The following CSMD2 variants were observed in gnomAD, a reference collection of about 807,000 sequenced individuals.
CSMD2 encodes CUB and Sushi multiple domains 2, also known as CUB and sushi domain-containing protein 2.
CSMD2 carries 130 observed loss-of-function variants against 398.5 expected under a neutral mutation model. That is an observed-to-expected ratio of 0.33 (90% CI 0.28 to 0.38). The LOEUF (loss-of-function observed/expected upper bound fraction) is 0.38, where lower values mean the gene tolerates loss of function less well. CSMD2 is among the 10% of genes least tolerant of loss of function. The probability of loss-of-function intolerance (pLI) is 1.00; values close to 1 mark genes in which losing one functional copy is unlikely to be tolerated. For missense variants in CSMD2, 3,829 were observed against 4,764.9 expected (o/e 0.80, Z 5.78); for synonymous variants, 1,828 against 1,908.5 (o/e 0.96, Z 1.10).
chr1:33,962,739 C>G (rs1228153476), intron 3 of CSMD2, among the ~76,000 whole-genome samples: 1 of 152,192 alleles, frequency 6.6e-6, no homozygotes, highest in Non-Finnish European at 1.5e-5. Context: ...GCAAGATTGA[C>G]TCCCTCATAT....
At chr1:33,882,477 A>C (rs774091564) in intron 5 of CSMD2, among the ~76,000 whole-genome samples, 1 of 152,246 alleles carries the variant, frequency 6.6e-6, no homozygotes, top group Non-Finnish European at 1.5e-5. Context: ...AATGAAACAT[A>C]TCTACCTTTC....
Position 33,725,521 on chromosome 1 carries a change from G to A in CSMD2, c.2523C>T (p.Val841=), listed in dbSNP as rs2149205884. Residue 841 remains valine (V), a synonymous_variant, in exon 17 of 71, where the codon GTC becomes GTT. Transcript: ENST00000373381. ...KITFDRFKTE[V]NYDTLEVRDG... ...CGCGTACTTCCAGGGTGTCATAGTTGACCTCGGTTTTGAATCTGCCAAATG... is the reference window on the plus strand; with the variant it reads ...CGCGTACTTCCAGGGTGTCATAGTTAACCTCGGTTTTGAATCTGCCAAATG... The A allele has an allele frequency of 2.5e-6, 4 of 1,614,132 alleles. 1 individual carries two copies. In the Middle Eastern group the frequency reaches 4.9e-4, roughly 200 times the overall value.
At chr1:33,583,614 A>G in intron 47 of CSMD2, 28 bp downstream of exon 47, 1 of 1,605,834 alleles carries the variant, frequency 6.2e-7, no homozygotes, top group Admixed American at 1.7e-5. Flanking sequence ...TCTGCAGCAG[A>G]GAACTGTGAG....
intron 3 of CSMD2, among the ~76,000 whole-genome samples, chr1:34,000,243 A>G (rs1171261819): frequency 6.6e-6 from 1 of 152,118 alleles, no homozygotes; most frequent in African/African-American, 2.4e-5. Flanking sequence ...AGATGTGGGA[A>G]TGTGGACCAG....
rs146886144 is a variant in CSMD2 at position 34,089,079 on chromosome 1, T to C, written c.302A>G (p.Gln101Arg). The change falls in exon 2 of 71, where the codon CAG (glutamine) becomes CGG (arginine). Residue 101 changes from glutamine (Q) to arginine (R), a missense_variant. This residue lies in a region of CSMD2 where 184 missense variants were observed against 217.7 expected (regional missense o/e 0.85). Coordinates refer to ENST00000373381, the MANE Select transcript of CSMD2 (RefSeq NM_001281956.2). ...NCTWTITAEE[Q>R]HRIQLVFQSF... ...CTGGAACACAAGCTGGATTCTGTGC[T>C]GCTCTTCCGCGGTGATGGTCCACGT... 1.4e-4 allele frequency: 226 copies of C among 1,614,210 alleles called. No individual in the cohort carries two copies. In the African/African-American group the frequency reaches 2.7e-3, roughly 19 times the overall value.
At chr1:34,021,225 G>C (rs1441705866) in intron 3 of CSMD2, among the ~76,000 whole-genome samples, 1 of 152,150 alleles carries the variant, frequency 6.6e-6, no homozygotes, top group East Asian at 1.9e-4. Context: ...CTGATGCTGG[G>C]CTCATGGGTT....
chr1:33,992,452 C>T (rs561568257), intron 3 of CSMD2, among the ~76,000 whole-genome samples: 4 of 152,102 alleles, frequency 2.6e-5, no homozygotes, highest in African/African-American at 9.6e-5. Flanking sequence ...AAGCAATGCA[C>T]CCACTTCAGC....
intron 13 of CSMD2, among the ~76,000 whole-genome samples, chr1:33,751,785 ATT>A (rs547874463): frequency 1.9e-4 from 27 of 145,546 alleles, no homozygotes; most frequent in South Asian, 1.3e-3. Context: ...CGCCCAGCTA[ATT>A]TTTTTTTTTT....
chr1:33,605,586 C>G, intron 41 of CSMD2, 116 bp from the exon 42 acceptor site: 1 of 1,046,306 alleles, frequency 9.6e-7, no homozygotes, highest in Admixed American at 2.4e-5. Context: ...TTGTCATGTA[C>G]AAGTCATTGG....
intron 3 of CSMD2, among the ~76,000 whole-genome samples, chr1:33,946,075 T>C (rs1017461634): frequency 6.6e-6 from 1 of 152,132 alleles, no homozygotes; most frequent in African/African-American, 2.4e-5. Context: ...TTTTAAAAAA[T>C]ACAACAGAAA....
At chr1:33,590,430 G>A (rs1639358479) in intron 44 of CSMD2, among the ~76,000 whole-genome samples, 1 of 149,338 alleles carries the variant, frequency 6.7e-6, no homozygotes, top group Non-Finnish European at 1.5e-5. Flanking sequence ...GAGTCACTGT[G>A]CCTGGCCATA....
At chr1:33,925,977 C>T (rs1053417088) in intron 4 of CSMD2, among the ~76,000 whole-genome samples, 7 of 152,202 alleles carry the variant, frequency 4.6e-5, no homozygotes, top group Non-Finnish European at 7.3e-5. Flanking sequence ...CCAAGTGCTG[C>T]TTCCTCGAGG....
At position 34,164,094 on chromosome 1, in the gene CSMD2, G is replaced by T. The variant is rs1016927310; in HGVS notation, c.187+817C>A. ...CCGCTGCCGCTGCCGCAGCCGAGGC[G>T]CTCGGCTGCAGCAGGGCGCGGGAAA... is the stretch of plus-strand genomic sequence containing the variant. On this transcript the variant is annotated intron_variant, in intron 1 of 70. Transcript: ENST00000373381. The surrounding 1 kb of genome is among the most constrained non-coding windows in gnomAD (Gnocchi z 6.2). 6.6e-6 allele frequency among the ~76,000 whole-genome samples: 1 copy of T among 152,232 alleles called. No homozygotes were observed. Among genetic ancestry groups the T allele is most frequent in the African/African-American group, 2.4e-5 (1 of 41,550 alleles).
At chr1:33,732,674 C>T (rs868124175) in intron 15 of CSMD2, among the ~76,000 whole-genome samples, 1 of 152,190 alleles carries the variant, frequency 6.6e-6, no homozygotes, top group Non-Finnish European at 1.5e-5. Flanking sequence ...TTACGGCAGC[C>T]CAGGCTGACT....
intron 22 of CSMD2, among the ~76,000 whole-genome samples, chr1:33,705,438 A>G (rs1426754599): frequency 2.6e-5 from 4 of 152,196 alleles, no homozygotes; most frequent in Non-Finnish European, 5.9e-5. Context: ...CCATAATTTT[A>G]CTCGTTGATA....
intron 2 of CSMD2, among the ~76,000 whole-genome samples, chr1:34,083,735 G>A (rs1246948577): frequency 1.3e-5 from 2 of 152,132 alleles, no homozygotes; most frequent in South Asian, 2.1e-4. Flanking sequence ...TGGGCAACAT[G>A]GTGAAACCCT....
At chr1:34,040,813 G>T (rs141261629) in intron 2 of CSMD2, among the ~76,000 whole-genome samples, 2 of 152,222 alleles carry the variant, frequency 1.3e-5, no homozygotes, top group East Asian at 3.9e-4. Flanking sequence ...TAAAAGGGTG[G>T]GAGCTTTTAT....
chr1:33,614,748 T>A, intron 39 of CSMD2, 128 bp from the exon 40 acceptor site: 1 of 594,270 alleles, frequency 1.7e-6, no homozygotes, highest in Non-Finnish European at 3.0e-6. Flanking sequence ...CCCTTGAGAA[T>A]CCAAAGGAAT....
At chr1:33,689,581 G>C (rs72662068) in intron 25 of CSMD2, among the ~76,000 whole-genome samples, 3,725 of 152,148 alleles carry the variant, frequency 0.024, 60 homozygotes, top group South Asian at 0.04. Flanking sequence ...CCTCACTACT[G>C]CCCAGAAATC....
Sources: gnomAD v4.1 joint callset for allele counts (sites outside exome capture counted in the v4.1 genomes callset) on GRCh38, gnomAD v4.1.1 for gene constraint, gnomAD v4.1.1 regional missense constraint, Gnocchi (gnomAD v3.1) non-coding constraint, MANE v1.5 for transcripts, NCBI Gene and HGNC (gene_info 2026-07-23, HGNC 2026-07-21) for gene names.